Variants in RORB observed in about 807,000 individuals in gnomAD.
The protein encoded by RORB is nuclear receptor ROR-beta.
In RORB, 6 loss-of-function variants were observed where a neutral mutation model predicts 59.1. The ratio of observed to expected loss-of-function variants is 0.10; its 90% CI spans 0.06 to 0.20. The LOEUF is 0.20. Ranked by LOEUF, RORB falls within the 10% of genes least tolerant of loss-of-function variation. The pLI is 1.00. For synonymous variants in RORB, 215 were observed against 204.5 expected (o/e 1.05, Z -0.44); for missense variants, 320 against 560.5 (o/e 0.57, Z 4.33).
chr9:74,667,841 T>A lies in RORB; in HGVS notation c.1051T>A (p.Ser351Thr). Residue 351 changes from serine to threonine, a missense_variant, in exon 8 of 10, where the codon TCC becomes ACC. Physicochemically the swap from Ser to Thr is moderately conservative, Grantham distance 58. Coordinates refer to ENST00000376896, the MANE Select transcript of RORB (RefSeq NM_006914.4). ...EAFDFAKNLC[S>T]LQLTEEEIAL... ...ATTTGACTTTGCAAAGAATTTGTGT[T>A]CCTTGCAGCTGACCGAGGAGGAGAT... 1.2e-6 allele frequency: 2 copies of A among 1,613,952 alleles called. No homozygotes were observed. Among genetic ancestry groups the A allele is most frequent in the Non-Finnish European group, 1.7e-6 (2 of 1,179,828 alleles).
At chr9:74,571,828 T>A (rs2118228681) in intron 1 of RORB, among the ~76,000 whole-genome samples, 1 of 152,230 alleles carries the variant, frequency 6.6e-6, no homozygotes, top group South Asian at 2.1e-4. Flanking sequence ...CAAGGCAGGA[T>A]TTCCAGCACA....
At chr9:74,503,023 T>C (rs1229523763) in intron 1 of RORB, among the ~76,000 whole-genome samples, 1 of 152,116 alleles carries the variant, frequency 6.6e-6, no homozygotes, top group Non-Finnish European at 1.5e-5. Flanking sequence ...GATGTTAAAA[T>C]ATATAGAAAA....
intron 9 of RORB, among the ~76,000 whole-genome samples, chr9:74,675,428 T>C (rs1206828339): frequency 6.6e-6 from 1 of 151,876 alleles, no homozygotes; most frequent in African/African-American, 2.4e-5. Context: ...GGGAAATGAG[T>C]AGGTTGGACT....
intron 8 of RORB, among the ~76,000 whole-genome samples, chr9:74,668,108 G>C (rs561849933): frequency 1.3e-5 from 2 of 152,272 alleles, no homozygotes; most frequent in East Asian, 3.9e-4. Context: ...AGCAAGAGTA[G>C]AGCATAGGTT....
intron 1 of RORB, 161 bp downstream of exon 1, chr9:74,498,144 T>C (rs1198376799): frequency 7.4e-6 from 6 of 806,840 alleles, no homozygotes; most frequent in South Asian, 1.6e-5. Context: ...GGCCTGGGCG[T>C]AGAAAGTTGC....
intron 1 of RORB, among the ~76,000 whole-genome samples, chr9:74,591,883 T>C (rs569743215): frequency 6.6e-6 from 1 of 152,104 alleles, no homozygotes; most frequent in Admixed American, 6.6e-5. Context: ...GCTACTGAAA[T>C]GTTATATGGG....
intron 1 of RORB, among the ~76,000 whole-genome samples, chr9:74,561,469 T>C (rs1822395893): frequency 6.6e-6 from 1 of 152,206 alleles, no homozygotes; most frequent in South Asian, 2.1e-4. Context: ...TTATTTCTAG[T>C]ATAAAATAAC....
At chr9:74,679,597 G>A (rs986454421) in intron 9 of RORB, among the ~76,000 whole-genome samples, 8 of 152,120 alleles carry the variant, frequency 5.3e-5, no homozygotes, top group Admixed American at 1.3e-4. Context: ...CTACGTGCCA[G>A]GTGCAAGGAG....
chr9:74,647,981 T>C (rs531131427), intron 4 of RORB, among the ~76,000 whole-genome samples: 9 of 152,318 alleles, frequency 5.9e-5, no homozygotes, highest in African/African-American at 1.4e-4. Context: ...TAACTACCCA[T>C]GCAGAAATGG....
chr9:74,667,061 G>A (rs1195534064), intron 7 of RORB, among the ~76,000 whole-genome samples: 1 of 152,182 alleles, frequency 6.6e-6, no homozygotes, highest in East Asian at 1.9e-4. Context: ...TCATCTCCAA[G>A]GCTAGATTTT....
chr9:74,524,606 A>G (rs548892148), intron 1 of RORB, among the ~76,000 whole-genome samples: 19 of 152,014 alleles, frequency 1.2e-4, no homozygotes, highest in Non-Finnish European at 2.5e-4. Context: ...TGTTCAAAAT[A>G]TGCCTGTGGT....
intron 6 of RORB, among the ~76,000 whole-genome samples, chr9:74,663,113 G>A (rs1033770685): frequency 2.0e-5 from 3 of 151,952 alleles, no homozygotes; most frequent in Non-Finnish European, 4.4e-5. Flanking sequence ...CAATCGCTGC[G>A]GAAGTAGCTC....
At chr9:74,589,224 G>T (rs1359716146) in intron 1 of RORB, among the ~76,000 whole-genome samples, 3 of 152,184 alleles carry the variant, frequency 2.0e-5, no homozygotes, top group African/African-American at 7.2e-5. Flanking sequence ...AAGACAGAAA[G>T]TGGAATTAAG....
At chr9:74,644,310 A>C (rs1310527825) in intron 4 of RORB, among the ~76,000 whole-genome samples, 2 of 152,250 alleles carry the variant, frequency 1.3e-5, no homozygotes, top group Admixed American at 1.3e-4. Context: ...AAAAAAAGAA[A>C]CATCAACTAA....
chr9:74,645,796 G>A (rs1823887598), intron 4 of RORB, among the ~76,000 whole-genome samples: 1 of 152,000 alleles, frequency 6.6e-6, no homozygotes, highest in South Asian at 2.1e-4. Flanking sequence ...AAAAAGCAAA[G>A]AACACTTATA....
In RORB at chr9:74,667,901, G is replaced by A. The variant is rs964240475; in HGVS notation, c.1111G>A (p.Asp371Asn). Residue 371 changes from aspartate (D) to asparagine (N), a missense_variant and splice_region_variant, in exon 8 of 10, where the codon GAC becomes AAC. Around this residue, in one of 4 missense-constraint regions of RORB, gnomAD observed 109 missense variants for 171.0 expected, o/e 0.64. Transcript: ENST00000376896. The part of the protein sequence containing the change: ...LFSSAVLISP[D>N]RAWLIEPRKV... ...CTCATCTGCTGTTCTGATATCTCCA[G>A]GTAGGGCAGTCTCAGTTCTCTTACC... 3 of 1,576,032 alleles carry A rather than the reference G, an allele frequency of 1.9e-6. No individual in the cohort carries two copies. The highest frequency in any genetic ancestry group is 1.7e-5 in the Admixed American group (1 of 59,938).
chr9:74,640,484 C>T (rs1277771097), intron 3 of RORB, among the ~76,000 whole-genome samples: 1 of 151,870 alleles, frequency 6.6e-6, no homozygotes, highest in Non-Finnish European at 1.5e-5. Flanking sequence ...AGGGTTTCAC[C>T]ACGTTAGCCA....
rs1319310974 is a variant in RORB, at chr9:74,688,830, C to G, written c.*3212C>G. 2 of 152,160 alleles carry G rather than the reference C, an allele frequency of 1.3e-5. No homozygotes were observed. Among genetic ancestry groups the G allele is most frequent in the Admixed American group, 6.5e-5 (1 of 15,278 alleles). 9.4% of individuals were successfully genotyped at this position (152,160 alleles called of 1,614,324 possible). A position where few individuals can be genotyped will look rare whatever the true frequency, so the allele number is the denominator to read the frequency against. Reference sequence around the variant, plus strand: ...GCTAAGAGCCAAATAATCTAGCTGTCCCATTCAGAGGAATTTTTATCTCCC... The same window carrying G: ...GCTAAGAGCCAAATAATCTAGCTGTGCCATTCAGAGGAATTTTTATCTCCC... On this transcript the variant is annotated 3_prime_UTR_variant, in exon 10 of 10. Transcript: ENST00000376896.
chr9:74,524,696 T>C (rs1826132401), intron 1 of RORB, among the ~76,000 whole-genome samples: 2 of 151,926 alleles, frequency 1.3e-5, no homozygotes, highest in Non-Finnish European at 2.9e-5. Flanking sequence ...AAAGCTTAGA[T>C]CAACCATTGT....
Sources: gnomAD v4.1 joint callset for allele counts (sites outside exome capture counted in the v4.1 genomes callset) on GRCh38, gnomAD v4.1.1 for gene constraint, gnomAD v4.1.1 regional missense constraint, MANE v1.5 for transcripts, NCBI Gene and HGNC (gene_info 2026-07-23, HGNC 2026-07-21) for gene names.